MAN1A1: variants seen among roughly 807,000 people sequenced by gnomAD.
MAN1A1 encodes mannosyl-oligosaccharide 1,2-alpha-mannosidase IA.
Under a neutral mutation model 70.8 loss-of-function variants are expected in MAN1A1, and 29 were observed. The ratio of observed to expected loss-of-function variants is 0.41; its 90% CI spans 0.31 to 0.56. The LOEUF (loss-of-function observed/expected upper bound fraction) is 0.56, where lower values mean the gene tolerates loss of function less well. Ranked by LOEUF, MAN1A1 falls within the 20% of genes least tolerant of loss-of-function variation. MAN1A1 has a pLI of 0.29. For missense variants in MAN1A1, 747 were observed against 841.3 expected, an observed-to-expected ratio of 0.89 and a Z score of 1.39; for synonymous variants, 349 against 330.1, an observed-to-expected ratio of 1.06 and a Z score of -0.62.
intron 2 of MAN1A1, among the ~76,000 whole-genome samples, chr6:119,339,611 T>C (rs1320235407): frequency 6.6e-6 from 1 of 152,064 alleles, no homozygotes; most frequent in Non-Finnish European, 1.5e-5. Context: ...TTTTTTTTTT[T>C]CTACTCTAGT....
chr6:119,324,689 A>G (rs757193283), intron 2 of MAN1A1, among the ~76,000 whole-genome samples: 29 of 152,218 alleles, frequency 1.9e-4, no homozygotes, highest in Non-Finnish European at 3.5e-4. Context: ...ACTTTATTGT[A>G]GAACTCAGAG....
chr6:119,184,134 C>T (rs995213515), intron 11 of MAN1A1, among the ~76,000 whole-genome samples: 1 of 152,098 alleles, frequency 6.6e-6, no homozygotes, highest in Non-Finnish European at 1.5e-5. Context: ...TACAACAGCC[C>T]TGATTCTATC....
chr6:119,334,980 T>C (rs1292791784), intron 2 of MAN1A1, among the ~76,000 whole-genome samples: 1 of 152,202 alleles, frequency 6.6e-6, no homozygotes, highest in Non-Finnish European at 1.5e-5. Context: ...GATGAATGAA[T>C]GAGGAACCAC....
At chr6:119,187,689 T>G (rs917246866) in intron 11 of MAN1A1, among the ~76,000 whole-genome samples, 1 of 152,214 alleles carries the variant, frequency 6.6e-6, no homozygotes, top group African/African-American at 2.4e-5. Context: ...CTTGTTCTTA[T>G]CCCCTGAATT....
intron 6 of MAN1A1, among the ~76,000 whole-genome samples, chr6:119,206,480 A>C (rs184697441): frequency 6.6e-4 from 100 of 152,344 alleles, no homozygotes; most frequent in Non-Finnish European, 1.1e-3. Context: ...TTTCTACAGC[A>C]AAACCTAGAG....
chr6:119,223,715 A>C, intron 6 of MAN1A1, among the ~76,000 whole-genome samples: 1 of 152,182 alleles, frequency 6.6e-6, no homozygotes, highest in East Asian at 1.9e-4. Context: ...TGCAGCTACT[A>C]AAGGTCAGAG....
intron 2 of MAN1A1, among the ~76,000 whole-genome samples, chr6:119,338,326 T>C (rs1335199234): frequency 6.6e-6 from 1 of 151,914 alleles, no homozygotes; most frequent in African/African-American, 2.4e-5. Context: ...TTTGAAGGAT[T>C]TAGGGTGGAA....
At chr6:119,222,038 A>T (rs959865726) in intron 6 of MAN1A1, among the ~76,000 whole-genome samples, 1 of 152,194 alleles carries the variant, frequency 6.6e-6, no homozygotes, top group East Asian at 1.9e-4. Context: ...ATCCTCCTTT[A>T]TGACCACAAT....
At chr6:119,347,422 T>C (rs1444866972) in intron 2 of MAN1A1, among the ~76,000 whole-genome samples, 1 of 152,240 alleles carries the variant, frequency 6.6e-6, no homozygotes, top group Non-Finnish European at 1.5e-5. Context: ...TTACTTCCAT[T>C]CATATTTTAG....
At chr6:119,288,582 T>C (rs7770398) in intron 5 of MAN1A1, among the ~76,000 whole-genome samples, 57,262 of 151,594 alleles carry the variant, frequency 0.38, 11,290 homozygotes, top group Non-Finnish European at 0.41. Flanking sequence ...GAAAATCAAT[T>C]GTCAGGGTCT....
chr6:119,259,704 A>AT (rs1562214496), intron 5 of MAN1A1, among the ~76,000 whole-genome samples: 1 of 152,192 alleles, frequency 6.6e-6, no homozygotes, highest in Non-Finnish European at 1.5e-5. Context: ...TTTGGCATCA[A>AT]TGCAATTTTT....
At chr6:119,207,852 G>A (rs73517429) in intron 6 of MAN1A1, among the ~76,000 whole-genome samples, 108 of 152,216 alleles carry the variant, frequency 7.1e-4, no homozygotes, top group African/African-American at 2.0e-3. Context: ...GGGCATTCCC[G>A]GTTACCAAAG....
At chr6:119,276,339 C>T (rs7748039) in intron 5 of MAN1A1, among the ~76,000 whole-genome samples, 1,657 of 152,240 alleles carry the variant, frequency 0.011, 42 homozygotes, top group African/African-American at 0.038. Flanking sequence ...GTAAATCTTA[C>T]GAAAGCAGAA....
chr6:119,348,395 C>G, intron 2 of MAN1A1, 68 bp downstream of exon 2: 4 of 1,432,550 alleles, frequency 2.8e-6, no homozygotes, highest in Non-Finnish European at 3.8e-6. Context: ...TTCAGAGTTT[C>G]AAAGGCTTGC....
At chr6:119,342,451 C>A (rs558320710) in intron 2 of MAN1A1, among the ~76,000 whole-genome samples, 23 of 152,296 alleles carry the variant, frequency 1.5e-4, no homozygotes, top group African/African-American at 5.5e-4. Context: ...GCTTTACTAT[C>A]ACATTTAAGC....
chr6:119,278,309 A>G (rs969414683), intron 5 of MAN1A1, among the ~76,000 whole-genome samples: 2 of 152,178 alleles, frequency 1.3e-5, no homozygotes, highest in East Asian at 1.9e-4. Context: ...TAATTAGCTG[A>G]TATTCATTTT....
intron 10 of MAN1A1, 33 bp downstream of exon 10, chr6:119,189,631 A>C: frequency 6.3e-7 from 1 of 1,596,806 alleles, no homozygotes; most frequent in Non-Finnish European, 8.6e-7. Context: ...GCATGTGGGA[A>C]TAGACCATAA....
At chr6:119,253,399 C>T (rs1430233821) in intron 5 of MAN1A1, among the ~76,000 whole-genome samples, 1 of 152,194 alleles carries the variant, frequency 6.6e-6, no homozygotes, top group Admixed American at 6.5e-5. Flanking sequence ...TCCATGACAA[C>T]GCCCGACTGC....
intron 6 of MAN1A1, among the ~76,000 whole-genome samples, chr6:119,217,351 G>A (rs887574813): frequency 9.2e-5 from 14 of 151,954 alleles, no homozygotes; most frequent in Non-Finnish European, 4.4e-5. Context: ...GCCCAGTTTC[G>A]GCTCACTGCA....
Sources: allele counts gnomAD v4.1 joint callset (sites outside exome capture counted in the v4.1 genomes callset), GRCh38; gene constraint gnomAD v4.1.1; transcripts MANE v1.5; gene names NCBI Gene and HGNC (gene_info 2026-07-23, HGNC 2026-07-21).